CD86: variants seen among roughly 807,000 people sequenced by gnomAD.
CD86 encodes the protein CD86 molecule, also known as T-lymphocyte activation antigen CD86.
A neutral mutation model predicts 32.1 loss-of-function variants in CD86; 11 were observed. The ratio of observed to expected loss-of-function variants is 0.34; its 90% CI spans 0.22 to 0.57. The LOEUF (loss-of-function observed/expected upper bound fraction) is 0.57. Ranked by LOEUF, CD86 falls within the 20% of genes least tolerant of loss-of-function variation. The pLI is 0.86. For missense variants in CD86, 359 were observed against 398.4 expected (o/e 0.90, Z 0.84); for synonymous variants, 137 against 135.3 (o/e 1.01, Z -0.09).
rs896826053 is a variant in CD86 at position 122,106,599 on chromosome 3, C to A, written c.703+99C>A. On this transcript the variant is annotated intron_variant, in intron 4 of 6. Coordinates refer to ENST00000330540, the MANE Select transcript of CD86 (RefSeq NM_175862.5). ...CCCCGACTTGCTAGGAAACCTCCAA[C>A]TGGGCCATTTTATGACGCTGTTAGG... 38 of 1,076,844 alleles carry A rather than the reference C, an allele frequency of 3.5e-5. No individual in the cohort carries two copies. The East Asian group carries it at 9.0e-4, about 26-fold the overall frequency. 66.7% of individuals were successfully genotyped at this position (1,076,844 alleles called of 1,614,324 possible).
intron 4 of CD86, 31 bp downstream of exon 4, chr3:122,106,531 A>C: frequency 6.4e-7 from 1 of 1,551,378 alleles, no homozygotes; most frequent in Non-Finnish European, 8.8e-7. Flanking sequence ...TATTTCTTTC[A>C]GCAGGTATTA....
At chr3:122,075,650 C>T (rs1169338723) in intron 1 of CD86, among the ~76,000 whole-genome samples, 1 of 152,110 alleles carries the variant, frequency 6.6e-6, no homozygotes, top group Non-Finnish European at 1.5e-5. Context: ...GTTTTGAGGT[C>T]CCTTACAGTC....
intron 1 of CD86, among the ~76,000 whole-genome samples, chr3:122,080,372 A>AAGTTGTAT (rs2072614886): frequency 1.3e-5 from 2 of 152,220 alleles, no homozygotes; most frequent in Non-Finnish European, 2.9e-5. Flanking sequence ...GATTCTAGAT[A>AAGTTGTAT]CAACTCGGAG....
chr3:122,055,598 A>T, intron 1 of CD86, 95 bp downstream of exon 1: 1 of 1,150,800 alleles, frequency 8.7e-7, no homozygotes. Flanking sequence ...TGTGTCCTTC[A>T]CTTAGTTCCT....
At chr3:122,073,966 T>A (rs575847291) in intron 1 of CD86, among the ~76,000 whole-genome samples, 1 of 152,330 alleles carries the variant, frequency 6.6e-6, no homozygotes, top group Admixed American at 6.5e-5. Flanking sequence ...CTTCCTTTCC[T>A]GCAGCCCAGT....
chr3:122,086,823 C>T (rs896068959), intron 1 of CD86, among the ~76,000 whole-genome samples: 5 of 152,202 alleles, frequency 3.3e-5, no homozygotes, highest in South Asian at 2.1e-4. Flanking sequence ...GTGCTGCTCC[C>T]GTCTGTCTCA....
chr3:122,119,442 A>G lies in CD86; in HGVS notation c.898A>G (p.Lys300Glu), dbSNP rs1272928606. 2 of 1,593,832 alleles carry G rather than the reference A, an allele frequency of 1.3e-6. No homozygotes were observed. The highest frequency in any genetic ancestry group is 1.7e-6 in the Non-Finnish European group (2 of 1,163,986). The change falls in exon 7 of 7, where the codon AAA (lysine) becomes GAA (glutamate). Residue 300 changes from lysine to glutamate, a missense_variant. By Grantham distance (56) the Lys-to-Glu change is moderately conservative. Transcript: ENST00000330540. ...EESEQTKKREKIHIPERSDEA... is the reference protein window; with the variant it reads ...EESEQTKKREEIHIPERSDEA... ...TCTTTTCTTCTATTTCTCCAGAGAAAAAATCCATATACCTGAAAGATCTGA... is the reference window on the plus strand; with the variant it reads ...TCTTTTCTTCTATTTCTCCAGAGAAGAAATCCATATACCTGAAAGATCTGA...
chr3:122,102,758 A>G (rs2073031057), intron 2 of CD86, among the ~76,000 whole-genome samples: 1 of 152,144 alleles, frequency 6.6e-6, no homozygotes, highest in African/African-American at 2.4e-5. Context: ...ATCCGAAAAC[A>G]GCCATCAAAT....
intron 1 of CD86, among the ~76,000 whole-genome samples, chr3:122,076,519 A>G (rs1436338954): frequency 6.6e-6 from 1 of 152,212 alleles, no homozygotes; most frequent in Non-Finnish European, 1.5e-5. Flanking sequence ...GAAGGATGAA[A>G]TTTCCAAGGT....
intron 1 of CD86, among the ~76,000 whole-genome samples, chr3:122,065,371 A>G (rs940598831): frequency 6.6e-6 from 1 of 152,242 alleles, no homozygotes; most frequent in African/African-American, 2.4e-5. Context: ...AAAATGGTCC[A>G]TAGACAGAGA....
At chr3:122,115,994 A>T (rs2073244910) in intron 5 of CD86, among the ~76,000 whole-genome samples, 1 of 152,128 alleles carries the variant, frequency 6.6e-6, no homozygotes, top group Non-Finnish European at 1.5e-5. Context: ...AAAAAGTATG[A>T]ACCTAGACAC....
chr3:122,086,767 G>A (rs539210815), intron 1 of CD86, among the ~76,000 whole-genome samples: 21 of 152,316 alleles, frequency 1.4e-4, no homozygotes, highest in African/African-American at 4.8e-4. Flanking sequence ...GTCTCTCTGA[G>A]AGTCCTCTCG....
intron 1 of CD86, among the ~76,000 whole-genome samples, chr3:122,060,119 G>A (rs2072311082): frequency 6.6e-6 from 1 of 152,224 alleles, no homozygotes; most frequent in Non-Finnish European, 1.5e-5. Flanking sequence ...GAAAGAAGCT[G>A]TGAATAAGTG....
chr3:122,080,475 G>A (rs1168658500), intron 1 of CD86, among the ~76,000 whole-genome samples: 2 of 152,104 alleles, frequency 1.3e-5, no homozygotes, highest in Non-Finnish European at 1.5e-5. Context: ...AGGCCAGTGA[G>A]GGGAACGCAT....
rs965728094 is a variant in CD86, at chr3:122,081,806, C to T, written c.15-9795C>T. On this transcript the variant is annotated intron_variant, in intron 1 of 6. Transcript: ENST00000330540. ...AGTTCTGAGACCAAGTCTGACTCACCTGTCAAAGCTCAGCTCAACTATTAC... is the reference window on the plus strand; with the variant it reads ...AGTTCTGAGACCAAGTCTGACTCACTTGTCAAAGCTCAGCTCAACTATTAC... Among the ~76,000 whole-genome samples, 42 of 152,176 alleles carry T rather than the reference C, an allele frequency of 2.8e-4. 1 individual carries two copies. The highest frequency in any genetic ancestry group is 2.9e-4 in the Non-Finnish European group (20 of 68,026).
intron 1 of CD86, among the ~76,000 whole-genome samples, chr3:122,088,430 G>A (rs1281399612): frequency 6.6e-6 from 1 of 152,074 alleles, no homozygotes; most frequent in Non-Finnish European, 1.5e-5. Context: ...GTGACTAGTT[G>A]CAAATATTTT....
In CD86 at chr3:122,119,507, A is replaced by T. The variant is rs760113027; in HGVS notation, c.963A>T (p.Ser321=). 1.2e-6 allele frequency: 2 copies of T among 1,606,204 alleles called. No individual in the cohort carries two copies. The highest frequency in any genetic ancestry group is 2.2e-5 in the South Asian group (2 of 90,838). Residue 321 remains serine, a synonymous_variant, in exon 7 of 7, where the codon TCA becomes TCT. Coordinates refer to ENST00000330540, the MANE Select transcript of CD86 (RefSeq NM_175862.5). ...TTTTTAAAAGTTCGAAGACATCTTC[A>T]TGCGACAAAAGTGATACATGTTTTT... ...QRVFKSSKTS[S]CDKSDTCF
chr3:122,074,118 C>T (rs1283283652), intron 1 of CD86, among the ~76,000 whole-genome samples: 1 of 152,228 alleles, frequency 6.6e-6, no homozygotes, highest in Non-Finnish European at 1.5e-5. Flanking sequence ...CCCCATGCCA[C>T]AGTGGGGAAT....
At chr3:122,061,674 A>G (rs2072338081) in intron 1 of CD86, among the ~76,000 whole-genome samples, 1 of 152,372 alleles carries the variant, frequency 6.6e-6, no homozygotes. Flanking sequence ...TTAAAATAAT[A>G]AAAGATAATG....
Sources: gnomAD v4.1 joint callset for allele counts (sites outside exome capture counted in the v4.1 genomes callset) on GRCh38, gnomAD v4.1.1 for gene constraint, MANE v1.5 for transcripts, NCBI Gene and HGNC (gene_info 2026-07-23, HGNC 2026-07-21) for gene names.